The following TMEM231 variants were observed in gnomAD, a reference collection of about 807,000 sequenced individuals.
TMEM231 encodes the protein transmembrane protein 231.
A neutral mutation model predicts 38.5 loss-of-function variants in TMEM231; 40 were observed. That is an observed-to-expected ratio of 1.04 (90% CI 0.81 to 1.35). TMEM231 has a LOEUF of 1.35. TMEM231 is among the 40% of genes most tolerant of loss of function. TMEM231 has a pLI of 0.00. For missense variants in TMEM231, 420 were observed against 416.9 expected (o/e 1.01, Z -0.07); for synonymous variants, 199 against 181.7 (o/e 1.10, Z -0.77).
At chr16:75,548,457 T>A (rs980837935) in intron 2 of TMEM231, among the ~76,000 whole-genome samples, 1 of 152,108 alleles carries the variant, frequency 6.6e-6, no homozygotes, top group Admixed American at 6.6e-5. Context: ...GTAAACAAAA[T>A]AGACAAAGTC....
chr16:75,551,440 T>C (rs2080759587), intron 2 of TMEM231, among the ~76,000 whole-genome samples: 1 of 152,122 alleles, frequency 6.6e-6, no homozygotes, highest in South Asian at 2.1e-4. Flanking sequence ...GGGGCTAGCC[T>C]CCCAAAGTGC....
chr16:75,554,131 A>G (rs2151708735), intron 2 of TMEM231, among the ~76,000 whole-genome samples: 1 of 152,242 alleles, frequency 6.6e-6, no homozygotes. Context: ...AGTTTTCCTT[A>G]CTTTTCATTT....
chr16:75,544,463 A>C (rs1313045916), intron 4 of TMEM231, among the ~76,000 whole-genome samples: 1 of 152,024 alleles, frequency 6.6e-6, no homozygotes, highest in Non-Finnish European at 1.5e-5. Flanking sequence ...AGGAACAGCA[A>C]AAAGGCCAGG....
rs887295151 is a variant in TMEM231, at chr16:75,538,859, T to A, written c.*1135A>T. The A allele has an allele frequency of 6.6e-6, 1 of 152,342 alleles. No individual in the cohort carries two copies. The highest frequency in any genetic ancestry group is 1.5e-5 in the Non-Finnish European group (1 of 68,142). 9.4% of individuals were successfully genotyped at this position (152,342 alleles called of 1,614,324 possible). A position where few individuals can be genotyped will look rare whatever the true frequency, so the allele number is the denominator to read the frequency against. ...AGCCATCTCTGCTCCTGCAGACACT[T>A]GCTTAGCCACGAGGGTAATCCACTG... On this transcript the variant is annotated 3_prime_UTR_variant, in exon 7 of 7. Transcript: ENST00000258173.
In TMEM231 at chr16:75,543,478, G is replaced by C. The variant is rs561793488; in HGVS notation, c.583-795C>G. Among the ~76,000 whole-genome samples the C allele has an allele frequency of 7.9e-5, 12 of 152,238 alleles. No individual in the cohort carries two copies. The South Asian group carries it at 2.1e-3, about 26-fold the overall frequency. On this transcript the variant is annotated intron_variant, in intron 4 of 6. Transcript: ENST00000258173. ...CCAGCTATTCAGGAGGCTGAAATCA[G>C]AGGATCTCTTAAGCCTGGGAGACAG... is the stretch of plus-strand genomic sequence containing the variant.
chr16:75,550,491 A>G (rs1451432417), intron 2 of TMEM231, among the ~76,000 whole-genome samples: 7 of 152,164 alleles, frequency 4.6e-5, no homozygotes, highest in Admixed American at 4.6e-4. Context: ...CTCAGCAGGA[A>G]CCTGGAAGCT....
In TMEM231 at chr16:75,540,147, T is replaced by C. The variant is rs772364535; in HGVS notation, c.798A>G (p.Val266=). Residue 266 remains valine (V), a synonymous_variant, in exon 7 of 7, where the codon GTA becomes GTG. Transcript: ENST00000258173. ...ISYQPGFWEM[V]KFAWVQYVSI... is the part of the protein sequence containing the mutation. The stretch of plus-strand genomic sequence containing the variant: ...TGACATACTGCACCCAGGCGAACTT[T>C]ACCATCTCCCAGAATCCTGGCTGAT... 5.0e-5 allele frequency: 80 copies of C among 1,613,548 alleles called. No individual in the cohort carries two copies. Among genetic ancestry groups the C allele is most frequent in the Middle Eastern group, 3.3e-4 (2 of 6,080 alleles).
rs144154280 is a variant in TMEM231 at position 75,549,082 on chromosome 16, G to C, written c.310-3128C>G. 1.8e-3 allele frequency among the ~76,000 whole-genome samples: 275 copies of C among 152,200 alleles called. 1 individual carries two copies. Among genetic ancestry groups the C allele is most frequent in the African/African-American group, 6.4e-3 (265 of 41,526 alleles). ...TGAGAAGGAGAGCAGGGTGGAGAGAGGGGGGAGAGAAGTTTCGATGGAAAG... is the reference window on the plus strand; with the variant it reads ...TGAGAAGGAGAGCAGGGTGGAGAGACGGGGGAGAGAAGTTTCGATGGAAAG... On this transcript the variant is annotated intron_variant, in intron 2 of 6. Coordinates refer to ENST00000258173, the MANE Select transcript of TMEM231 (RefSeq NM_001077418.3).
In TMEM231 at chr16:75,542,691, A is replaced by G; in HGVS notation, c.583-8T>C. The G allele has an allele frequency of 6.2e-7, 1 of 1,613,662 alleles. No individual in the cohort carries two copies. Among genetic ancestry groups the G allele is most frequent in the East Asian group, 2.2e-5 (1 of 44,860 alleles). On this transcript the variant is annotated splice_polypyrimidine_tract_variant and splice_region_variant and intron_variant, in intron 4 of 6. Transcript: ENST00000258173. ...CCCGTTGATCACGGATATCTGGGACACGGGAGGAGGATGTGGTGTGAGCAC... is the reference window on the plus strand; with the variant it reads ...CCCGTTGATCACGGATATCTGGGACGCGGGAGGAGGATGTGGTGTGAGCAC...
intron 2 of TMEM231, among the ~76,000 whole-genome samples, chr16:75,546,840 G>A (rs1308347477): frequency 6.6e-6 from 1 of 152,152 alleles, no homozygotes. Context: ...GGACCTGAAA[G>A]CCTTGTGCAT....
At chr16:75,549,435 C>T (rs1319205361) in intron 2 of TMEM231, among the ~76,000 whole-genome samples, 2 of 152,132 alleles carry the variant, frequency 1.3e-5, no homozygotes, top group African/African-American at 2.4e-5. Context: ...CATTGTCCCA[C>T]GTGATTCCTC....
At chr16:75,552,949 C>T (rs960640071) in intron 2 of TMEM231, among the ~76,000 whole-genome samples, 3 of 152,198 alleles carry the variant, frequency 2.0e-5, no homozygotes, top group Non-Finnish European at 4.4e-5. Flanking sequence ...TGTCAGCCTC[C>T]TTGAGGCTTG....
chr16:75,545,821 C>G lies in TMEM231; in HGVS notation c.438+5G>C, dbSNP rs1472951348. 4 of 1,165,488 alleles carry G rather than the reference C, an allele frequency of 3.4e-6. No homozygotes were observed. The Admixed American group carries it at 1.1e-4, about 32-fold the overall frequency. The allele number at this position is 1,165,488 out of a possible 1,614,324, so 72.2% of individuals were successfully genotyped here. ...AGAGGACAGCCTCCCAGCGGACTGA[C>G]TCACGTGTAATCGATAGGAGAAAGT... On this transcript the variant is annotated splice_donor_5th_base_variant and intron_variant, in intron 3 of 6. Coordinates refer to ENST00000258173, the MANE Select transcript of TMEM231 (RefSeq NM_001077418.3).
At chr16:75,549,379 T>A (rs2080729501) in intron 2 of TMEM231, among the ~76,000 whole-genome samples, 1 of 152,212 alleles carries the variant, frequency 6.6e-6, no homozygotes. Context: ...CACCACCTTA[T>A]ATCTACAACG....
chr16:75,544,726 G>A (rs375039116), intron 4 of TMEM231, among the ~76,000 whole-genome samples: 6 of 152,130 alleles, frequency 3.9e-5, no homozygotes, highest in South Asian at 2.1e-4. Flanking sequence ...GTGACCAAGC[G>A]TGTGTATGGA....
Position 75,541,428 on chromosome 16 carries a change from G to T in TMEM231, c.692C>A (p.Pro231His). The stretch of plus-strand genomic sequence containing the variant: ...TGCGGCCCTGCCCACCAGCCAGATG[G>T]GGTTGGGATCATTCAGGACGGTGGT... Reference protein sequence around the residue: ...NVTTVLNDPNPIWLVGRAADA... With the variant: ...NVTTVLNDPNHIWLVGRAADA... The change falls in exon 6 of 7, where the codon CCC (proline) becomes CAC (histidine). Residue 231 changes from proline (P) to histidine (H), a missense_variant. Transcript: ENST00000258173. The T allele has an allele frequency of 6.2e-7, 1 of 1,611,304 alleles. No individual in the cohort carries two copies. Among genetic ancestry groups the T allele is most frequent in the South Asian group, 1.1e-5 (1 of 90,694 alleles).
rs994793574 is a variant in TMEM231, at chr16:75,555,600, G to A, written c.309+204C>T. 33 of 513,618 alleles carry A rather than the reference G, an allele frequency of 6.4e-5. No individual in the cohort carries two copies. The South Asian group carries it at 1.1e-3, about 17-fold the overall frequency. 31.8% of individuals were successfully genotyped at this position (513,618 alleles called of 1,614,324 possible). A position where few individuals can be genotyped will look rare whatever the true frequency, so the allele number is the denominator to read the frequency against. ...CAGCATGGCTAACTTTCTGGGGGCC[G>A]GGGACATCTGGGAGAAGCAGAATGA... is the stretch of plus-strand genomic sequence containing the variant. On this transcript the variant is annotated intron_variant, in intron 2 of 6. Coordinates refer to ENST00000258173, the MANE Select transcript of TMEM231 (RefSeq NM_001077418.3).
intron 3 of TMEM231, 87 bp from the exon 4 acceptor site, chr16:75,545,582 C>T (rs2080680433): frequency 3.2e-6 from 3 of 927,208 alleles, no homozygotes; most frequent in African/African-American, 4.0e-5. Context: ...TTGGCTGAAA[C>T]CTAAGAGGCC....
chr16:75,552,122 T>C (rs2080769427), intron 2 of TMEM231, among the ~76,000 whole-genome samples: 1 of 151,986 alleles, frequency 6.6e-6, no homozygotes, highest in Non-Finnish European at 1.5e-5. Flanking sequence ...CCATCAAACA[T>C]GTTGGTGATA....
Sources: gnomAD v4.1 joint callset for allele counts (sites outside exome capture counted in the v4.1 genomes callset) on GRCh38, gnomAD v4.1.1 for gene constraint, MANE v1.5 for transcripts, NCBI Gene and HGNC (gene_info 2026-07-23, HGNC 2026-07-21) for gene names.